LCP2: variants seen among roughly 807,000 people sequenced by gnomAD.
LCP2 encodes the protein 76 kDa tyrosine phosphoprotein.
A neutral mutation model predicts 74.5 loss-of-function variants in LCP2; 29 were observed. The observed-to-expected ratio is 0.39, with a 90% confidence interval of 0.29 to 0.53. The LOEUF is 0.53. LCP2 is among the 20% of genes least tolerant of loss of function. The pLI is 0.72. For missense variants in LCP2, 604 were observed against 634.6 expected (o/e 0.95, Z 0.52); for synonymous variants, 228 against 229.5 (o/e 0.99, Z 0.06).
In LCP2 at chr5:170,262,562, T is replaced by G. The variant is rs183862689; in HGVS notation, c.926+73A>C. On this transcript the variant is annotated intron_variant, in intron 13 of 20. Transcript: ENST00000046794. The stretch of plus-strand genomic sequence containing the variant: ...AGCACCGAGGAGCCTCGGTTCCCAC[T>G]GCAGAGTCAGCACAGGGCAGCCTGT... The G allele has an allele frequency of 4.1e-5, 47 of 1,157,814 alleles. No homozygotes were observed. In the East Asian group the frequency reaches 8.7e-4, roughly 21 times the overall value. 71.7% of individuals were successfully genotyped at this position (1,157,814 alleles called of 1,614,324 possible).
rs1392684451 is a variant in LCP2 at position 170,246,934 on chromosome 5, C to G, written c.*1763G>C. 2.0e-5 allele frequency: 3 copies of G among 152,328 alleles called. No homozygotes were observed. Among genetic ancestry groups the G allele is most frequent in the Middle Eastern group, 3.4e-3 (1 of 294 alleles). 9.4% of individuals were successfully genotyped at this position (152,328 alleles called of 1,614,324 possible). Reference sequence around the variant, plus strand: ...CAGTCATAGCCATGGAACAGAACATCTTAATCCTGATGGCACTTTCCACTA... The same window carrying G: ...CAGTCATAGCCATGGAACAGAACATGTTAATCCTGATGGCACTTTCCACTA... On this transcript the variant is annotated 3_prime_UTR_variant, in exon 21 of 21. Transcript: ENST00000046794.
chr5:170,288,090 A>G, intron 2 of LCP2, 74 bp from the exon 3 acceptor site: 4 of 1,455,954 alleles, frequency 2.7e-6, no homozygotes, highest in Non-Finnish European at 3.9e-6. Flanking sequence ...GAAGAGTGAT[A>G]CGTGAAACAA....
rs1561967397 is a variant in LCP2, at chr5:170,256,624, G to A, written c.1101-49C>T. 2.2e-6 allele frequency: 3 copies of A among 1,345,900 alleles called. No individual in the cohort carries two copies. Among genetic ancestry groups the A allele is most frequent in the Admixed American group, 3.4e-5 (2 of 59,558 alleles). 83.4% of individuals were successfully genotyped at this position (1,345,900 alleles called of 1,614,324 possible). A position where few individuals can be genotyped will look rare whatever the true frequency, so the allele number is the denominator to read the frequency against. ...AATTTATTTGGATTGGGGTGATGGG[G>A]CCAGACAGGGGAGCTGGGTTAGGGA... On this transcript the variant is annotated intron_variant, in intron 16 of 20. Transcript: ENST00000046794. The surrounding 1 kb of genome is among the most constrained non-coding windows in gnomAD (Gnocchi z 4.5).
chr5:170,271,265 T>C (rs987716691), intron 6 of LCP2, among the ~76,000 whole-genome samples: 1 of 152,162 alleles, frequency 6.6e-6, no homozygotes, highest in Non-Finnish European at 1.5e-5. Flanking sequence ...GGCATCACCA[T>C]GAGAAAGACT....
At chr5:170,248,851 C>A in intron 20 of LCP2, 32 bp from the exon 21 acceptor site, 3 of 1,606,230 alleles carry the variant, frequency 1.9e-6, no homozygotes, top group Non-Finnish European at 2.6e-6. Context: ...GATGAGTCAA[C>A]ATTGGAATGA....
chr5:170,268,459 G>A lies in LCP2; in HGVS notation c.547C>T (p.Pro183Ser). The change falls in exon 8 of 21, where the codon CCC (proline) becomes TCC (serine). Residue 183 changes from proline (P) to serine (S), a missense_variant. By Grantham distance (74) the Pro-to-Ser change is moderately conservative. Transcript: ENST00000046794. ...TGGGGGGGCACAGGAGGCTGCTGGG[G>A]GGTTTTCCCAGAGGGGGGCCGGTCT... ...YIDRPPSGKT[P>S]QQPPVPPQRP... 1 of 307,440 alleles carries A rather than the reference G, an allele frequency of 3.3e-6. No homozygotes were observed. Among genetic ancestry groups the A allele is most frequent in the Non-Finnish European group, 5.7e-6 (1 of 176,898 alleles). The allele number at this position is 307,440 out of a possible 1,614,324, so 19.0% of individuals were successfully genotyped here. A position where few individuals can be genotyped will look rare whatever the true frequency, so the allele number is the denominator to read the frequency against.
At chr5:170,290,990 AAGAAAGAAAGAG>A (rs10530182) in intron 2 of LCP2, among the ~76,000 whole-genome samples, 3,323 of 71,082 alleles carry the variant, frequency 0.047, 91 homozygotes, top group African/African-American at 0.11. Context: ...GAAAGAAAGA[AAGAAAGAAAGAG>A]AGAAAGAAAG....
chr5:170,290,990 A>AAGAAAGAAAGAG (rs10530182), intron 2 of LCP2, among the ~76,000 whole-genome samples: 6 of 71,382 alleles, frequency 8.4e-5, no homozygotes, highest in African/African-American at 2.8e-4. Context: ...GAAAGAAAGA[A>AAGAAAGAAAGAG]AGAAAGAAAG....
chr5:170,285,213 T>C (rs1340222384), intron 3 of LCP2, among the ~76,000 whole-genome samples: 1 of 152,248 alleles, frequency 6.6e-6, no homozygotes, highest in Non-Finnish European at 1.5e-5. Flanking sequence ...GATTTTATAG[T>C]TTACATTTCT....
At chr5:170,280,790 T>C (rs1762086706) in intron 3 of LCP2, among the ~76,000 whole-genome samples, 1 of 152,132 alleles carries the variant, frequency 6.6e-6, no homozygotes, top group East Asian at 1.9e-4. Context: ...GGTGGTTCAC[T>C]TGAGGTCAGG....
intron 3 of LCP2, among the ~76,000 whole-genome samples, chr5:170,286,291 T>C (rs537453678): frequency 6.6e-6 from 1 of 152,310 alleles, no homozygotes; most frequent in South Asian, 2.1e-4. Flanking sequence ...AAGCCCTCAA[T>C]TGCCACATCT....
In LCP2 at chr5:170,256,264, ATGTG is replaced by A. The variant is rs536421535; in HGVS notation, c.1150+258_1150+261del. 2.0e-5 allele frequency among the ~76,000 whole-genome samples: 3 copies of A among 152,102 alleles called. No individual in the cohort carries two copies. The highest frequency in any genetic ancestry group is 3.9e-4 in the East Asian group (2 of 5,182). ...TGTATATATGTGTACATGTGTATGC[ATGTG>A]TGTGTGTGCATGTATATGTGCATGT... is the stretch of plus-strand genomic sequence containing the variant. On this transcript the variant is annotated intron_variant, in intron 17 of 20. Transcript: ENST00000046794. This position sits in a 1 kb window ranked among gnomAD's most constrained non-coding sequence, Gnocchi z 4.5.
intron 3 of LCP2, among the ~76,000 whole-genome samples, chr5:170,277,064 G>C (rs934545530): frequency 2.1e-4 from 26 of 123,522 alleles, no homozygotes; most frequent in African/African-American, 7.4e-4. Flanking sequence ...GACAGAGGGA[G>C]ACTCCATCTT....
chr5:170,289,591 T>TTTTCTTTC (rs147406658), intron 2 of LCP2, among the ~76,000 whole-genome samples: 7 of 149,838 alleles, frequency 4.7e-5, no homozygotes, highest in East Asian at 3.9e-4. Context: ...TAACTACTCC[T>TTTTCTTTC]TTTCTTTCTT....
intron 17 of LCP2, among the ~76,000 whole-genome samples, chr5:170,254,387 G>A (rs565607333): frequency 3.6e-4 from 55 of 152,156 alleles, no homozygotes; most frequent in Non-Finnish European, 6.0e-4. Flanking sequence ...CTGAGGAGAG[G>A]AGAGTCACCT....
intron 1 of LCP2, among the ~76,000 whole-genome samples, chr5:170,295,885 G>A (rs973167963): frequency 1.3e-5 from 2 of 152,102 alleles, no homozygotes; most frequent in Non-Finnish European, 2.9e-5. Context: ...GAGATCTCCA[G>A]GAAGAAAACT....
At chr5:170,253,741 A>C (rs1561966523) in intron 17 of LCP2, among the ~76,000 whole-genome samples, 2 of 152,240 alleles carry the variant, frequency 1.3e-5, no homozygotes, top group Admixed American at 1.3e-4. Flanking sequence ...TTTAGAATCA[A>C]AGTTGGCTAC....
intron 2 of LCP2, among the ~76,000 whole-genome samples, chr5:170,288,803 A>G (rs546397455): frequency 6.6e-6 from 1 of 152,222 alleles, no homozygotes; most frequent in African/African-American, 2.4e-5. Flanking sequence ...CCTCCATCCT[A>G]CCACGTCTGA....
chr5:170,256,398 G>T lies in LCP2; in HGVS notation c.1150+128C>A. ...GCACACTGCAGACACGGAATTAAAT[G>T]TTGAATGAGGAAATCAGATGCTTTT... On this transcript the variant is annotated intron_variant, in intron 17 of 20. Coordinates refer to ENST00000046794, the MANE Select transcript of LCP2 (RefSeq NM_005565.5). This position sits in a 1 kb window ranked among gnomAD's most constrained non-coding sequence, Gnocchi z 4.5. 1.3e-6 allele frequency: 1 copy of T among 771,534 alleles called. No homozygotes were observed. Among genetic ancestry groups the T allele is most frequent in the South Asian group, 1.5e-5 (1 of 65,402 alleles). 47.8% of individuals were successfully genotyped at this position (771,534 alleles called of 1,614,324 possible).
Sources: gnomAD v4.1 joint callset for allele counts (sites outside exome capture counted in the v4.1 genomes callset) on GRCh38, gnomAD v4.1.1 for gene constraint, Gnocchi (gnomAD v3.1) non-coding constraint, MANE v1.5 for transcripts, NCBI Gene and HGNC (gene_info 2026-07-23, HGNC 2026-07-21) for gene names.